MGST1: variants seen among roughly 807,000 people sequenced by gnomAD.
MGST1 encodes glutathione S-transferase 12.
In MGST1, 5 loss-of-function variants were observed where a neutral mutation model predicts 8.9. That is an observed-to-expected ratio of 0.56 (90% confidence interval 0.29 to 1.19). The LOEUF (loss-of-function observed/expected upper bound fraction) is 1.19. Among genes scored for constraint, MGST1 ranks in the 50% most tolerant of loss-of-function variants. The pLI, the probability that MGST1 is intolerant of heterozygous loss-of-function variation, is 0.08. For synonymous variants in MGST1, 54 were observed against 67.8 expected (o/e 0.80, Z 1.00); for missense variants, 182 against 187.4 (o/e 0.97, Z 0.17).
chr12:16,524,943 C>A (rs1941673248), intron 4 of MGST1, among the ~76,000 whole-genome samples: 1 of 151,964 alleles, frequency 6.6e-6, no homozygotes, highest in Non-Finnish European at 1.5e-5. Context: ...ATCATCTAAT[C>A]CCCATTGTAA....
chr12:16,365,748 C>CACAT (rs534991674), downstream of MGST1, among the ~76,000 whole-genome samples: 422 of 112,878 alleles, frequency 3.7e-3, 5 homozygotes, highest in East Asian at 0.085. Flanking sequence ...CACGCGCACA[C>CACAT]ACACACACAC....
At chr12:16,566,772 A>G (rs190422808) in intron 4 of MGST1, among the ~76,000 whole-genome samples, 13 of 152,338 alleles carry the variant, frequency 8.5e-5, no homozygotes, top group African/African-American at 3.1e-4. Context: ...ACGTATAAAT[A>G]TATACATGTA....
intron 4 of MGST1, among the ~76,000 whole-genome samples, chr12:16,496,369 A>C (rs1223315553): frequency 6.6e-6 from 1 of 152,190 alleles, no homozygotes; most frequent in African/African-American, 2.4e-5. Flanking sequence ...AACATGTGTG[A>C]ATCTTTAAAA....
chr12:16,571,230 G>C (rs1198324632), intron 4 of MGST1, among the ~76,000 whole-genome samples: 2 of 152,066 alleles, frequency 1.3e-5, no homozygotes, highest in African/African-American at 2.4e-5. Context: ...TGTTATCACA[G>C]ATATTCATCC....
exon 2 of MGST1, chr12:16,437,481 T>A (rs1293090519): frequency 6.6e-6 from 1 of 151,932 alleles, no homozygotes; most frequent in Non-Finnish European, 1.5e-5. Flanking sequence ...AACCTCAACA[T>A]TCTGCAGTCT....
chr12:16,568,965 T>TA (rs1418122257), intron 4 of MGST1, among the ~76,000 whole-genome samples: 1 of 152,194 alleles, frequency 6.6e-6, no homozygotes, highest in African/African-American at 2.4e-5. Flanking sequence ...ACTTGAAACT[T>TA]AAAAATATGT....
At chr12:16,499,829 G>A (rs762966743) in intron 4 of MGST1, among the ~76,000 whole-genome samples, 2 of 152,080 alleles carry the variant, frequency 1.3e-5, no homozygotes, top group Non-Finnish European at 1.5e-5. Context: ...ATTAAACTAC[G>A]AACACGATAG....
At chr12:16,498,776 G>A (rs541208480) in intron 4 of MGST1, among the ~76,000 whole-genome samples, 1 of 152,290 alleles carries the variant, frequency 6.6e-6, no homozygotes, top group South Asian at 2.1e-4. Context: ...GGTAGCTCAT[G>A]CACCAACTAA....
chr12:16,414,893 A>C (rs1310339036), intron 1 of MGST1, among the ~76,000 whole-genome samples: 1 of 152,092 alleles, frequency 6.6e-6, no homozygotes, highest in Admixed American at 6.5e-5. Context: ...GCGTGATGGC[A>C]CGTGCCTGTA....
chr12:16,453,784 G>A (rs372770801), intron 4 of MGST1, among the ~76,000 whole-genome samples: 1 of 151,630 alleles, frequency 6.6e-6, no homozygotes, highest in Admixed American at 6.6e-5. Flanking sequence ...TCTTCGCCTG[G>A]CATTTTCCCC....
chr12:16,470,775 G>GA (rs954503384), intron 4 of MGST1, among the ~76,000 whole-genome samples: 7 of 151,914 alleles, frequency 4.6e-5, no homozygotes, highest in Non-Finnish European at 1.0e-4. Context: ...AAAATAATAT[G>GA]AAAAAATCAA....
Position 16,513,416 on chromosome 12 carries a change from G to C in MGST1, n.483-76112G>C, listed in dbSNP as rs1941589284. 1 of 391,436 alleles carries C rather than the reference G, an allele frequency of 2.6e-6. No homozygotes were observed. The highest frequency in any genetic ancestry group is 3.3e-5 in the Admixed American group (1 of 30,210). 24.2% of individuals were successfully genotyped at this position (391,436 alleles called of 1,614,324 possible). On this transcript the variant is annotated intron_variant and non_coding_transcript_variant, in intron 4 of 4. Transcript: ENST00000538857. This position sits in a 1 kb window ranked among gnomAD's most constrained non-coding sequence, Gnocchi z 4.2. ...CATGGCTCCTCTGCGCTCCAGCTGC[G>C]TCGTCTCCGGGATCGCCGCCGCCTT...
intron 4 of MGST1, among the ~76,000 whole-genome samples, chr12:16,515,864 C>T (rs577496662): frequency 3.0e-4 from 45 of 152,090 alleles, no homozygotes; most frequent in African/African-American, 7.7e-4. Context: ...ATGAGTCAGA[C>T]GCACAGGCTA....
At chr12:16,403,294 T>C (rs1940675013) in intron 1 of MGST1, among the ~76,000 whole-genome samples, 1 of 152,196 alleles carries the variant, frequency 6.6e-6, no homozygotes, top group Non-Finnish European at 1.5e-5. Flanking sequence ...TGTGAAGTTA[T>C]TCCCCTTTTT....
rs111637092 is a variant in MGST1 at position 16,458,316 on chromosome 12, G to T, written n.482+74712G>T. On this transcript the variant is annotated intron_variant and non_coding_transcript_variant, in intron 4 of 4. Coordinates refer to the MGST1 transcript ENST00000538857. The surrounding 1 kb of genome is among the most constrained non-coding windows in gnomAD (Gnocchi z 4.0). Reference sequence around the variant, plus strand: ...GGTCAGCAGATTGCTTATGCTGATCGCAATGATTTGAAGTTGTGATTACCA... The same window carrying T: ...GGTCAGCAGATTGCTTATGCTGATCTCAATGATTTGAAGTTGTGATTACCA... Among the ~76,000 whole-genome samples the T allele has an allele frequency of 0.012, 1,811 of 152,070 alleles. 17 individuals carry two copies. Among genetic ancestry groups the T allele is most frequent in the Non-Finnish European group, 0.018 (1,235 of 67,962 alleles).
intron 4 of MGST1, among the ~76,000 whole-genome samples, chr12:16,528,607 C>T (rs1363423823): frequency 6.6e-6 from 1 of 151,934 alleles, no homozygotes; most frequent in Non-Finnish European, 1.5e-5. Context: ...ATCATATTGT[C>T]TTTGATAAGT....
At chr12:16,415,126 C>T (rs1266218556) in intron 1 of MGST1, among the ~76,000 whole-genome samples, 1 of 152,184 alleles carries the variant, frequency 6.6e-6, no homozygotes, top group Non-Finnish European at 1.5e-5. Flanking sequence ...ATTTGCATTT[C>T]ATAGTAGATA....
intron 4 of MGST1, among the ~76,000 whole-genome samples, chr12:16,448,600 T>A (rs1941101506): frequency 6.6e-6 from 1 of 151,974 alleles, no homozygotes; most frequent in African/African-American, 2.4e-5. Context: ...CATTTCTCCA[T>A]AAACACACTT....
intron 4 of MGST1, chr12:16,549,264 A>AAAT (rs1941899570): frequency 6.6e-6 from 1 of 152,132 alleles, no homozygotes; most frequent in Admixed American, 6.6e-5. Flanking sequence ...TCTAAGGCTA[A>AAAT]AATAATAGTT....
Sources: gnomAD v4.1 joint callset for allele counts (sites outside exome capture counted in the v4.1 genomes callset) on GRCh38, gnomAD v4.1.1 for gene constraint, Gnocchi (gnomAD v3.1) non-coding constraint, MANE v1.5 for transcripts, NCBI Gene and HGNC (gene_info 2026-07-23, HGNC 2026-07-21) for gene names.